PCDH11X: variants seen among roughly 807,000 people sequenced by gnomAD.
PCDH11X encodes protocadherin-11 X-linked.
In PCDH11X, 18 loss-of-function variants were observed where a neutral mutation model predicts 53.3. The observed-to-expected ratio is 0.34, with a 90% CI of 0.23 to 0.50. The LOEUF is 0.50. Among genes scored for constraint, PCDH11X ranks in the 20% least tolerant of loss-of-function variants. The pLI is 0.98. For synonymous variants in PCDH11X, 279 were observed against 393.3 expected, an observed-to-expected ratio of 0.71 and a Z score of 3.44; for missense variants, 570 against 1,032.4, an observed-to-expected ratio of 0.55 and a Z score of 6.14.
intron 6 of PCDH11X, among the ~76,000 whole-genome samples, chrX:91,895,879 A>G (rs759697659): frequency 9.5e-6 from 1 of 105,292 alleles, no homozygotes; most frequent in African/African-American, 3.4e-5. Flanking sequence ...ACATATACAT[A>G]TGTTATGTAT....
chrX:92,419,138 T>G (rs1304542981), intron 9 of PCDH11X, among the ~76,000 whole-genome samples: 1 of 106,905 alleles, frequency 9.4e-6, no homozygotes, highest in Non-Finnish European at 1.9e-5. Context: ...TCACTCCATA[T>G]CCGTGTTTAT....
intron 6 of PCDH11X, among the ~76,000 whole-genome samples, chrX:91,927,419 C>T (rs1380174423): frequency 9.1e-6 from 1 of 109,464 alleles, no homozygotes; most frequent in African/African-American, 3.3e-5. Flanking sequence ...GACTGAAGAA[C>T]AGAGCATTTA....
chrX:92,464,760 G>A (rs915184051), intron 9 of PCDH11X, among the ~76,000 whole-genome samples: 10 of 109,086 alleles, frequency 9.2e-5, no homozygotes, highest in Non-Finnish European at 1.5e-4. Context: ...TCACTGGGGT[G>A]ATTTGAATTA....
At chrX:92,331,372 T>TTCC (rs778767931) in intron 8 of PCDH11X, among the ~76,000 whole-genome samples, 2,314 of 83,360 alleles carry the variant, frequency 0.028, 124 homozygotes, top group African/African-American at 0.099. Context: ...CCTCCTCCTT[T>TTCC]TCCTCCTCCT....
At chrX:91,857,380 C>G (rs1455537058) in intron 5 of PCDH11X, among the ~76,000 whole-genome samples, 1 of 111,226 alleles carries the variant, frequency 9.0e-6, no homozygotes, top group Non-Finnish European at 1.9e-5. Flanking sequence ...TTTTTCTGCC[C>G]CTGGCCCCTC....
At chrX:92,065,361 C>T (rs2063591935) in intron 6 of PCDH11X, among the ~76,000 whole-genome samples, 1 of 110,758 alleles carries the variant, frequency 9.0e-6, no homozygotes, top group Non-Finnish European at 1.9e-5. Flanking sequence ...ACTTATATAT[C>T]CCTTTTGGAT....
chrX:92,222,927 C>T (rs1252224692), intron 7 of PCDH11X, among the ~76,000 whole-genome samples: 1 of 112,348 alleles, frequency 8.9e-6, no homozygotes, highest in African/African-American at 3.2e-5. Flanking sequence ...TACTTTCATG[C>T]CTATCCATGT....
intron 6 of PCDH11X, among the ~76,000 whole-genome samples, chrX:92,061,281 G>T (rs1388471780): frequency 3.6e-5 from 4 of 111,720 alleles, no homozygotes; most frequent in Non-Finnish European, 7.5e-5. Flanking sequence ...ACTGTAGGTT[G>T]TCTGTTTACT....
intron 6 of PCDH11X, chrX:92,113,820 A>G (rs878936557): frequency 8.3e-7 from 1 of 1,205,930 alleles, no homozygotes; most frequent in Non-Finnish European, 1.1e-6. Flanking sequence ...AAGGCATTGT[A>G]GCTGACAGCA....
intron 1 of PCDH11X, among the ~76,000 whole-genome samples, chrX:91,784,224 GT>G (rs200362098): frequency 0.2 from 21,926 of 111,380 alleles, 1,796 homozygotes; most frequent in East Asian, 0.31. Flanking sequence ...TATTATTGTT[GT>G]TTGCATTTAA....
intron 6 of PCDH11X, among the ~76,000 whole-genome samples, chrX:91,887,180 A>G (rs774825748): frequency 1.4e-3 from 153 of 110,054 alleles, no homozygotes; most frequent in Middle Eastern, 9.5e-3. Flanking sequence ...TGTGATGTGC[A>G]GCCTGAGTGT....
chrX:92,102,834 C>T lies in PCDH11X; in HGVS notation c.3034-98541C>T, dbSNP rs193034656. On this transcript the variant is annotated intron_variant, in intron 6 of 10. Transcript: ENST00000682573. ...AGGCAAAACAATTTGGTTGATAAAG[C>T]GCAGATTCTGAACTAACTTGTAAGG... Among the ~76,000 whole-genome samples, 189 of 111,371 alleles carry T rather than the reference C, an allele frequency of 1.7e-3. 1 individual carries two copies. Among genetic ancestry groups the T allele is most frequent in the African/African-American group, 6.0e-3 (183 of 30,532 alleles).
intron 9 of PCDH11X, among the ~76,000 whole-genome samples, chrX:92,402,468 A>T (rs776752520): frequency 1.8e-5 from 2 of 111,509 alleles, no homozygotes; most frequent in Admixed American, 9.6e-5. Flanking sequence ...TAGAGAGCCT[A>T]GAAGTAAGGC....
chrX:92,051,527 T>C (rs1268901346), intron 6 of PCDH11X, among the ~76,000 whole-genome samples: 2 of 111,576 alleles, frequency 1.8e-5, no homozygotes, highest in Admixed American at 9.6e-5. Flanking sequence ...TTGAGATGCA[T>C]GTACATGGAG....
At chrX:92,262,647 CTCT>C (rs2067742092) in intron 7 of PCDH11X, among the ~76,000 whole-genome samples, 1 of 111,419 alleles carries the variant, frequency 9.0e-6, no homozygotes, top group Admixed American at 9.6e-5. Flanking sequence ...GTATAAACAT[CTCT>C]TATGTTTACC....
rs552199201 is a variant in PCDH11X at position 92,480,019 on chromosome X, A to AT, written c.3367+11705dup. ...AGATTTGTTCTCTTTCCATAATTCC[A>AT]TTTTTTTTGGAGGTTTTATGTATTC... On this transcript the variant is annotated intron_variant, in intron 10 of 10. Transcript: ENST00000682573. 5.8e-4 allele frequency among the ~76,000 whole-genome samples: 64 copies of AT among 109,867 alleles called. No individual in the cohort carries two copies. In the South Asian group the frequency reaches 7.0e-3, roughly 12 times the overall value.
At chrX:92,602,155 T>C (rs1046681067) in intron 10 of PCDH11X, among the ~76,000 whole-genome samples, 8 of 110,837 alleles carry the variant, frequency 7.2e-5, no homozygotes, top group African/African-American at 2.6e-4. Flanking sequence ...GGATGATAAA[T>C]ACAGAGAGCT....
At chrX:92,112,743 A>AT (rs936507883) in intron 6 of PCDH11X, among the ~76,000 whole-genome samples, 27 of 107,730 alleles carry the variant, frequency 2.5e-4, no homozygotes, top group Non-Finnish European at 4.2e-4. Flanking sequence ...CCATTTTTCA[A>AT]TTTTTTTTTA....
At chrX:91,788,829 A>G (rs1382144246) in intron 1 of PCDH11X, among the ~76,000 whole-genome samples, 1 of 112,144 alleles carries the variant, frequency 8.9e-6, no homozygotes, top group Non-Finnish European at 1.9e-5. Flanking sequence ...TTTTCTCTTC[A>G]GTGTGAAATA....
Sources: gnomAD v4.1 joint callset for allele counts (sites outside exome capture counted in the v4.1 genomes callset) on GRCh38, gnomAD v4.1.1 for gene constraint, MANE v1.5 for transcripts, NCBI Gene and HGNC (gene_info 2026-07-23, HGNC 2026-07-21) for gene names.